The following PCDHGA4 variants were observed in gnomAD, a reference collection of about 807,000 sequenced individuals.
PCDHGA4 encodes protocadherin gamma subfamily A, 4.
PCDHGA4 carries 38 observed loss-of-function variants against 54.6 expected under a neutral mutation model. The ratio of observed to expected loss-of-function variants is 0.70; its 90% CI spans 0.54 to 0.91. PCDHGA4 has a LOEUF of 0.91. PCDHGA4 is among the 40% of genes least tolerant of loss of function. The pLI is 0.00. For synonymous variants in PCDHGA4, 511 were observed against 512.9 expected (o/e 1.00, Z 0.05); for missense variants, 1,298 against 1,220.9 (o/e 1.06, Z -0.94).
At position 141,470,736 on chromosome 5, in the gene PCDHGA4, C is replaced by T. The variant is rs541510544; in HGVS notation, c.2515-24071C>T. ...TTTTTGAGTCAGGGTCTTGCTCTGT[C>T]GCCCTGGCTGGAGTGCAGTGGACTC... On this transcript the variant is annotated intron_variant, in intron 1 of 3. Coordinates refer to ENST00000571252, the MANE Select transcript of PCDHGA4 (RefSeq NM_018917.4). Among the ~76,000 whole-genome samples, 104 of 152,208 alleles carry T rather than the reference C, an allele frequency of 6.8e-4. 2 individuals carry two copies. Among genetic ancestry groups the T allele is most frequent in the African/African-American group, 2.4e-3 (98 of 41,522 alleles).
chr5:141,366,185 GT>G (rs1375353655), intron 1 of PCDHGA4: 1 of 1,613,892 alleles, frequency 6.2e-7, no homozygotes, highest in East Asian at 2.2e-5. Context: ...ACTCTTTGCG[GT>G]TGGGCTGCAC....
intron 1 of PCDHGA4, among the ~76,000 whole-genome samples, chr5:141,442,810 T>C (rs2098345227): frequency 6.6e-6 from 1 of 152,222 alleles, no homozygotes; most frequent in Non-Finnish European, 1.5e-5. Context: ...ATTCAAATTG[T>C]ACTGATCCAA....
intron 1 of PCDHGA4, chr5:141,427,797 G>A (rs1194658203): frequency 6.0e-6 from 9 of 1,505,188 alleles, no homozygotes; most frequent in Admixed American, 3.4e-5. Context: ...CTACGTGTCC[G>A]TGAGCGCACA....
In PCDHGA4 at chr5:141,505,090, A is replaced by C. The variant is rs1018571873; in HGVS notation, c.2574-303A>C. Among the ~76,000 whole-genome samples the C allele has an allele frequency of 3.9e-5, 6 of 152,188 alleles. 1 individual carries two copies. The South Asian group carries it at 1.2e-3, about 31-fold the overall frequency. ...GGCAGGAGAATCGCTTGAACCCAGG[A>C]GGTGGATGTTGCAATGAGCCAAGAT... On this transcript the variant is annotated intron_variant, in intron 2 of 3. Transcript: ENST00000571252.
intron 1 of PCDHGA4, chr5:141,384,536 T>A (rs751421323): frequency 2.5e-6 from 4 of 1,614,086 alleles, no homozygotes; most frequent in Admixed American, 1.7e-5. Flanking sequence ...AGCAGCAACA[T>A]GTCACTGAGC....
At chr5:141,369,990 A>G (rs773924073) in intron 1 of PCDHGA4, among the ~76,000 whole-genome samples, 2 of 152,236 alleles carry the variant, frequency 1.3e-5, no homozygotes, top group Non-Finnish European at 2.9e-5. Context: ...TTGGATGGAT[A>G]AAGCTCAAAT....
chr5:141,384,598 C>CA (rs756705007), intron 1 of PCDHGA4: 4 of 1,614,256 alleles, frequency 2.5e-6, no homozygotes, highest in Non-Finnish European at 2.5e-6. Flanking sequence ...GTACCCGGCC[C>CA]TCCCCACAGA....
rs70988800 is a variant in PCDHGA4, at chr5:141,379,889, C to CTTTTTTTTTTTT, written c.2514+22287_2514+22298dup. Reference sequence around the variant, plus strand: ...CTTATTTTATGGTCTGTGAAAGCCTCTTTTTTTTTTTTTTTTTTTTTTTTT... The same window carrying CTTTTTTTTTTTT: ...CTTATTTTATGGTCTGTGAAAGCCTCTTTTTTTTTTTTTTTTTTTTTTTTTTTTTTTTTTTTT... On this transcript the variant is annotated intron_variant, in intron 1 of 3. Transcript: ENST00000571252. Among the ~76,000 whole-genome samples, 158 of 50,832 alleles carry CTTTTTTTTTTTT rather than the reference C, an allele frequency of 3.1e-3. 25 individuals are homozygous for CTTTTTTTTTTTT. The highest frequency in any genetic ancestry group is 4.7e-3 in the African/African-American group (71 of 15,080). 33.3% of individuals were successfully genotyped at this position (50,832 alleles called of 152,430 possible). A position where few individuals can be genotyped will look rare whatever the true frequency, so the allele number is the denominator to read the frequency against.
At chr5:141,428,196 C>A in intron 1 of PCDHGA4, 2 of 1,383,704 alleles carry the variant, frequency 1.4e-6, no homozygotes, top group Non-Finnish European at 2.0e-6. Context: ...CCGCTCTCTG[C>A]GCCGCTACGC....
chr5:141,506,398 A>T (rs902405970), intron 3 of PCDHGA4, among the ~76,000 whole-genome samples: 6 of 151,394 alleles, frequency 4.0e-5, no homozygotes, highest in Admixed American at 2.6e-4. Context: ...GTGAGCAGAA[A>T]ATCGCACCAC....
Position 141,468,058 on chromosome 5 carries a change from C to T in PCDHGA4, c.2515-26749C>T, listed in dbSNP as rs993225792. ...TAGAAAACTAAGCCGGGCACAGTGG[C>T]TCACACCTGTAATCCCAGCACTTTG... On this transcript the variant is annotated intron_variant, in intron 1 of 3. Transcript: ENST00000571252. 1.1e-4 allele frequency among the ~76,000 whole-genome samples: 16 copies of T among 152,140 alleles called. 2 individuals carry two copies. The highest frequency in any genetic ancestry group is 5.2e-4 in the Admixed American group (8 of 15,276).
At chr5:141,380,705 T>G (rs1776676195) in intron 1 of PCDHGA4, among the ~76,000 whole-genome samples, 1 of 152,242 alleles carries the variant, frequency 6.6e-6, no homozygotes, top group African/African-American at 2.4e-5. Context: ...AGTCTATAAT[T>G]TAATTTAACT....
At chr5:141,394,751 C>A in intron 1 of PCDHGA4, 3 of 1,613,428 alleles carry the variant, frequency 1.9e-6, no homozygotes, top group Non-Finnish European at 2.5e-6. Context: ...TGGTGGCCGT[C>A]CAGGACCATG....
chr5:141,392,658 C>T, intron 1 of PCDHGA4: 1 of 778,114 alleles, frequency 1.3e-6, no homozygotes, highest in Non-Finnish European at 1.9e-6. Context: ...CCGCAGATGC[C>T]ACAAACTAAC....
intron 1 of PCDHGA4, chr5:141,403,552 G>A (rs1228068556): frequency 1.2e-6 from 2 of 1,613,892 alleles, no homozygotes; most frequent in African/African-American, 1.3e-5. Flanking sequence ...AGCGCGCCCT[G>A]GACAGGGAGG....
chr5:141,431,724 T>G lies in PCDHGA4; in HGVS notation c.2515-63083T>G, dbSNP rs758754345. On this transcript the variant is annotated intron_variant, in intron 1 of 3. Transcript: ENST00000571252. The surrounding 1 kb of genome is among the most constrained non-coding windows in gnomAD (Gnocchi z 4.8). ...TTCTACCAGATGGAAGTGCAAGCAA[T>G]GGATAATGCAGGATATTCTGCGCGA... 1 of 1,614,036 alleles carries G rather than the reference T, an allele frequency of 6.2e-7. No individual in the cohort carries two copies. Among genetic ancestry groups the G allele is most frequent in the Non-Finnish European group, 8.5e-7 (1 of 1,180,036 alleles).
rs1374094845 is a variant in PCDHGA4, at chr5:141,476,576, T to A, written c.2515-18231T>A. On this transcript the variant is annotated intron_variant, in intron 1 of 3. Coordinates refer to ENST00000571252, the MANE Select transcript of PCDHGA4 (RefSeq NM_018917.4). The surrounding 1 kb of genome is among the most constrained non-coding windows in gnomAD (Gnocchi z 7.6). Reference sequence around the variant, plus strand: ...CGAGGCCGTGGCTCCGGGGACGCGCTTTCCGCTCGAGAGCGCGCACGATCC... The same window carrying A: ...CGAGGCCGTGGCTCCGGGGACGCGCATTCCGCTCGAGAGCGCGCACGATCC... 3 of 1,614,102 alleles carry A rather than the reference T, an allele frequency of 1.9e-6. No individual in the cohort carries two copies. Among genetic ancestry groups the A allele is most frequent in the Middle Eastern group, 1.6e-4 (1 of 6,084 alleles).
chr5:141,395,178 G>T (rs1201622292), intron 1 of PCDHGA4: 2 of 1,614,142 alleles, frequency 1.2e-6, no homozygotes, highest in Non-Finnish European at 1.7e-6. Context: ...TGAGAAAAAT[G>T]ATTCTTTGTT....
At chr5:141,403,159 A>G (rs778714191) in intron 1 of PCDHGA4, 2 of 1,614,002 alleles carry the variant, frequency 1.2e-6, no homozygotes, top group East Asian at 4.5e-5. Context: ...TCGTCTCTAG[A>G]GGTAGGACGC....
Sources: gnomAD v4.1 joint callset for allele counts (sites outside exome capture counted in the v4.1 genomes callset) on GRCh38, gnomAD v4.1.1 for gene constraint, Gnocchi (gnomAD v3.1) non-coding constraint, MANE v1.5 for transcripts, NCBI Gene and HGNC (gene_info 2026-07-23, HGNC 2026-07-21) for gene names.